The following CENPC variants were observed in gnomAD, a reference collection of about 807,000 sequenced individuals.
CENPC encodes centromere protein C.
Under a neutral mutation model 112.1 loss-of-function variants are expected in CENPC, and 63 were observed. That is an observed-to-expected ratio of 0.56 (90% CI 0.46 to 0.69). CENPC has a LOEUF of 0.69. Ranked by LOEUF, CENPC falls within the 30% of genes least tolerant of loss-of-function variation. The pLI is 0.00. For synonymous variants in CENPC, 333 were observed against 367.6 expected, an observed-to-expected ratio of 0.91 and a Z score of 1.08; for missense variants, 1,000 against 1,103.8, an observed-to-expected ratio of 0.91 and a Z score of 1.33.
At chr4:67,529,533 C>T (rs891910775) in intron 5 of CENPC, among the ~76,000 whole-genome samples, 1 of 151,978 alleles carries the variant, frequency 6.6e-6, no homozygotes, top group African/African-American at 2.4e-5. Flanking sequence ...ACCATGTTGG[C>T]CATGCTGGTC....
chr4:67,485,810 A>G (rs1428001202), intron 17 of CENPC, among the ~76,000 whole-genome samples: 1 of 152,316 alleles, frequency 6.6e-6, no homozygotes, highest in South Asian at 2.1e-4. Context: ...CTAATGAGAC[A>G]GCGACTACTT....
intron 12 of CENPC, among the ~76,000 whole-genome samples, chr4:67,501,564 C>T (rs1725591069): frequency 6.6e-6 from 1 of 151,962 alleles, no homozygotes; most frequent in Admixed American, 6.6e-5. Flanking sequence ...GATCTTGAAC[C>T]AGGAGGAAGA....
At chr4:67,511,682 GCTAGATAGAGAGTACCTATGTGA>G (rs753737109) in intron 9 of CENPC, among the ~76,000 whole-genome samples, 114 of 152,248 alleles carry the variant, frequency 7.5e-4, no homozygotes, top group Non-Finnish European at 1.3e-3. Flanking sequence ...TGTAGTACTT[GCTAGATAGAGAGTACCTATGTGA>G]CCACCCCCAG....
intron 5 of CENPC, among the ~76,000 whole-genome samples, chr4:67,526,743 A>C (rs1181248093): frequency 6.6e-6 from 1 of 152,218 alleles, no homozygotes; most frequent in Non-Finnish European, 1.5e-5. Flanking sequence ...ACTTAAATAC[A>C]AAAATCCTCA....
chr4:67,495,612 C>A (rs902811263), intron 12 of CENPC, among the ~76,000 whole-genome samples: 1 of 152,052 alleles, frequency 6.6e-6, no homozygotes, highest in Non-Finnish European at 1.5e-5. Context: ...CCCTTGGACA[C>A]CCCTGGTTTT....
chr4:67,476,888 C>T (rs1419510147), intron 17 of CENPC, among the ~76,000 whole-genome samples: 1 of 152,206 alleles, frequency 6.6e-6, no homozygotes, highest in Non-Finnish European at 1.5e-5. Context: ...TGAGGCCAGT[C>T]TGCCAGCTTC....
chr4:67,514,116 T>A lies in CENPC; in HGVS notation c.1402A>T (p.Met468Leu). 2.5e-6 allele frequency: 4 copies of A among 1,605,588 alleles called. No homozygotes were observed. The highest frequency in any genetic ancestry group is 3.4e-6 in the Non-Finnish European group (4 of 1,177,290). Residue 468 changes from methionine to leucine, a missense_variant, in exon 8 of 19, where the codon ATG becomes TTG. By Grantham distance (15) the Met-to-Leu change is conservative. Coordinates refer to ENST00000273853, the MANE Select transcript of CENPC (RefSeq NM_001812.4). ...TTTTTGGAAACACAATCATTTCCCA[T>A]CTCTTCATGCTCTTCCATATTTCTG... ...SDRNMEEHEE[M>L]GNDCVSKKQM... is the part of the protein sequence containing the mutation.
At chr4:67,543,113 C>T (rs1023494887) in intron 2 of CENPC, among the ~76,000 whole-genome samples, 1 of 152,026 alleles carries the variant, frequency 6.6e-6, no homozygotes, top group African/African-American at 2.4e-5. Flanking sequence ...ATCAGATAGC[C>T]CTTATTCCAC....
rs377704577 is a variant in CENPC, at chr4:67,510,915, G to GT, written c.1612+1486dup. 1.1e-5 allele frequency: 5 copies of GT among 441,618 alleles called. No individual in the cohort carries two copies. The East Asian group carries it at 3.5e-4, about 31-fold the overall frequency. 27.4% of individuals were successfully genotyped at this position (441,618 alleles called of 1,614,324 possible). ...TCTATTTCAGGACTCTTAAATAAGT[G>GT]TTTTTTGATAGTTTCAGAGATCTAG... On this transcript the variant is annotated intron_variant, in intron 9 of 18. Transcript: ENST00000273853.
intron 4 of CENPC, among the ~76,000 whole-genome samples, chr4:67,531,972 A>G (rs1462555508): frequency 1.3e-5 from 2 of 152,206 alleles, no homozygotes; most frequent in Non-Finnish European, 2.9e-5. Flanking sequence ...TACAGAATGG[A>G]AGAAAATTTT....
intron 5 of CENPC, among the ~76,000 whole-genome samples, chr4:67,526,085 A>G (rs1285173520): frequency 6.6e-6 from 1 of 152,132 alleles, no homozygotes; most frequent in Non-Finnish European, 1.5e-5. Context: ...CAAACACTGC[A>G]TGTTCTCACT....
intron 9 of CENPC, chr4:67,511,918 A>C (rs192033419): frequency 8.5e-5 from 13 of 152,934 alleles, no homozygotes; most frequent in Admixed American, 7.9e-4. Context: ...CACTGTAATG[A>C]ATCACAGCCA....
chr4:67,509,892 T>G (rs989900466), intron 9 of CENPC, among the ~76,000 whole-genome samples: 1 of 152,178 alleles, frequency 6.6e-6, no homozygotes, highest in African/African-American at 2.4e-5. Context: ...TTTTAGTTAT[T>G]ATCTATAGCT....
intron 13 of CENPC, among the ~76,000 whole-genome samples, chr4:67,494,762 G>A (rs1249819994): frequency 6.6e-6 from 1 of 152,156 alleles, no homozygotes; most frequent in Non-Finnish European, 1.5e-5. Flanking sequence ...ACAGTTCTTA[G>A]CTTTGTCTAC....
At chr4:67,517,397 A>T (rs1726087854) in intron 7 of CENPC, among the ~76,000 whole-genome samples, 1 of 151,294 alleles carries the variant, frequency 6.6e-6, no homozygotes, top group African/African-American at 2.4e-5. Context: ...TCTGATCTCA[A>T]GTGATCCACC....
intron 12 of CENPC, among the ~76,000 whole-genome samples, chr4:67,504,107 A>AAG (rs1348949004): frequency 6.6e-6 from 1 of 151,292 alleles, no homozygotes; most frequent in Non-Finnish European, 1.5e-5. Flanking sequence ...AAAAAAAAAA[A>AAG]AAAGAACGTA....
At chr4:67,536,208 T>C (rs988415389) in intron 4 of CENPC, among the ~76,000 whole-genome samples, 3 of 152,110 alleles carry the variant, frequency 2.0e-5, no homozygotes, top group African/African-American at 7.2e-5. Context: ...AAGTTGACTA[T>C]ACACAAATTG....
At chr4:67,513,502 C>A (rs953946270) in intron 8 of CENPC, among the ~76,000 whole-genome samples, 1 of 152,098 alleles carries the variant, frequency 6.6e-6, no homozygotes, top group Admixed American at 6.6e-5. Context: ...CTTCATATGT[C>A]TTTTCCTAAG....
rs189007272 is a variant in CENPC, at chr4:67,487,317, G to T, written c.2670+2650C>A. On this transcript the variant is annotated intron_variant, in intron 17 of 18. Coordinates refer to ENST00000273853, the MANE Select transcript of CENPC (RefSeq NM_001812.4). ...CCTCCAACAGTAACAAATTTTTGTT[G>T]TAGTAGTAGTAGTAGTAGTCTTAGA... Among the ~76,000 whole-genome samples the T allele has an allele frequency of 1.0e-4, 15 of 149,278 alleles. No individual in the cohort carries two copies. In the East Asian group the frequency reaches 2.9e-3, roughly 29 times the overall value.
Sources: gnomAD v4.1 joint callset for allele counts (sites outside exome capture counted in the v4.1 genomes callset) on GRCh38, gnomAD v4.1.1 for gene constraint, MANE v1.5 for transcripts, NCBI Gene and HGNC (gene_info 2026-07-23, HGNC 2026-07-21) for gene names.